Variants in B3GALT1 observed in about 807,000 individuals in gnomAD.
B3GALT1 encodes beta-1,3-galactosyltransferase 1, also known as UDP-Gal:betaGlcNAc beta 1,3-galactosyltransferase, polypeptide 1.
B3GALT1 carries 10 observed loss-of-function variants against 23.2 expected under a neutral mutation model. That is an observed-to-expected ratio of 0.43 (90% CI 0.27 to 0.73). The LOEUF (loss-of-function observed/expected upper bound fraction) is 0.73. B3GALT1 is among the 30% of genes least tolerant of loss of function. The pLI is 0.21. For synonymous variants in B3GALT1, 156 were observed against 141.5 expected (o/e 1.10, Z -0.73); for missense variants, 299 against 405.4 (o/e 0.74, Z 2.25).
intron 1 of B3GALT1, among the ~76,000 whole-genome samples, chr2:167,351,430 T>G (rs1396338933): frequency 1.3e-5 from 2 of 152,152 alleles, no homozygotes; most frequent in Non-Finnish European, 2.9e-5. Context: ...AAAAATGAAA[T>G]AAAGTATACC....
intron 2 of B3GALT1, among the ~76,000 whole-genome samples, chr2:167,567,647 A>T (rs756970317): frequency 5.3e-5 from 8 of 152,066 alleles, no homozygotes; most frequent in Non-Finnish European, 1.0e-4. Context: ...ATGTACTTCC[A>T]TCCCCCATAC....
At chr2:167,364,603 C>T (rs1697557828) in intron 1 of B3GALT1, among the ~76,000 whole-genome samples, 1 of 152,090 alleles carries the variant, frequency 6.6e-6, no homozygotes, top group South Asian at 2.1e-4. Flanking sequence ...GTTTTCTGTC[C>T]TTGCGATAGT....
intron 2 of B3GALT1, among the ~76,000 whole-genome samples, chr2:167,540,931 C>T (rs1683524481): frequency 1.3e-5 from 2 of 152,202 alleles, no homozygotes; most frequent in South Asian, 2.1e-4. Flanking sequence ...AACCTTGGCA[C>T]ATATAAATCA....
chr2:167,548,067 A>G (rs1683674318), intron 2 of B3GALT1, among the ~76,000 whole-genome samples: 1 of 152,204 alleles, frequency 6.6e-6, no homozygotes, highest in South Asian at 2.1e-4. Context: ...CACTGGGCCC[A>G]GCTTCACCAG....
At chr2:167,622,439 G>A (rs1685275395) in intron 2 of B3GALT1, among the ~76,000 whole-genome samples, 1 of 152,074 alleles carries the variant, frequency 6.6e-6, no homozygotes, top group Non-Finnish European at 1.5e-5. Flanking sequence ...GCAATGCCCT[G>A]AGGAAATATA....
At chr2:167,350,110 C>T (rs1038448186) in intron 1 of B3GALT1, among the ~76,000 whole-genome samples, 13 of 152,194 alleles carry the variant, frequency 8.5e-5, no homozygotes, top group African/African-American at 2.4e-4. Flanking sequence ...TATGTGTAAT[C>T]TTTAATGCTT....
chr2:167,341,443 CT>C (rs1478793310), intron 1 of B3GALT1, among the ~76,000 whole-genome samples: 1 of 152,180 alleles, frequency 6.6e-6, no homozygotes, highest in Non-Finnish European at 1.5e-5. Flanking sequence ...GGGCAGAACA[CT>C]TCAGGTCAGG....
intron 1 of B3GALT1, among the ~76,000 whole-genome samples, chr2:167,411,435 A>T (rs1430425479): frequency 4.6e-5 from 7 of 152,126 alleles, no homozygotes; most frequent in Non-Finnish European, 8.8e-5. Context: ...TTGGCAAAAG[A>T]TCTGAACAGG....
intron 2 of B3GALT1, among the ~76,000 whole-genome samples, chr2:167,624,117 A>G (rs1016376461): frequency 6.6e-6 from 1 of 152,042 alleles, no homozygotes; most frequent in Non-Finnish European, 1.5e-5. Context: ...AGAATCTGCA[A>G]TGGCCAGAGT....
intron 2 of B3GALT1, among the ~76,000 whole-genome samples, chr2:167,613,555 T>C: frequency 6.6e-6 from 1 of 151,694 alleles, no homozygotes; most frequent in South Asian, 2.1e-4. Context: ...TTTGTTTTTC[T>C]TTAGTCTTGT....
intron 2 of B3GALT1, among the ~76,000 whole-genome samples, chr2:167,576,166 T>C (rs1043307183): frequency 6.6e-6 from 1 of 151,950 alleles, no homozygotes; most frequent in East Asian, 1.9e-4. Flanking sequence ...GGCCTCTTTA[T>C]TTAAACACTG....
At chr2:167,759,029 G>T (rs1164537424) in intron 3 of B3GALT1, among the ~76,000 whole-genome samples, 4 of 152,192 alleles carry the variant, frequency 2.6e-5, no homozygotes, top group Admixed American at 1.3e-4. Flanking sequence ...TTGGGGGCTG[G>T]CCCTTTGCTT....
intron 4 of B3GALT1, among the ~76,000 whole-genome samples, chr2:167,819,792 A>G (rs1234821912): frequency 6.6e-6 from 1 of 152,168 alleles, no homozygotes; most frequent in African/African-American, 2.4e-5. Flanking sequence ...AATTCACCAA[A>G]TGCCTCTCTC....
chr2:167,667,979 C>T (rs1015649804), intron 3 of B3GALT1, among the ~76,000 whole-genome samples: 5 of 152,184 alleles, frequency 3.3e-5, no homozygotes, highest in Admixed American at 6.5e-5. Flanking sequence ...AGCTTTGTTC[C>T]ATTGCTGGTG....
At chr2:167,529,108 T>G (rs575045066) in intron 2 of B3GALT1, among the ~76,000 whole-genome samples, 1 of 152,278 alleles carries the variant, frequency 6.6e-6, no homozygotes, top group African/African-American at 2.4e-5. Flanking sequence ...TTACTTTATG[T>G]GTCAAAAAAT....
intron 3 of B3GALT1, among the ~76,000 whole-genome samples, chr2:167,682,569 C>T (rs1686550511): frequency 6.6e-6 from 1 of 152,234 alleles, no homozygotes. Flanking sequence ...TGAGAATAAC[C>T]TGAAGAGCTT....
chr2:167,396,552 G>A (rs1698101308), intron 1 of B3GALT1, among the ~76,000 whole-genome samples: 1 of 150,972 alleles, frequency 6.6e-6, no homozygotes, highest in South Asian at 2.1e-4. Flanking sequence ...GTGTGTGTGT[G>A]TGTGTGTGTG....
At chr2:167,677,802 C>T (rs1686453437) in intron 3 of B3GALT1, among the ~76,000 whole-genome samples, 2 of 152,250 alleles carry the variant, frequency 1.3e-5, no homozygotes, top group South Asian at 4.2e-4. Flanking sequence ...TTCTGCATGG[C>T]TTGGGAGGCC....
intron 1 of B3GALT1, among the ~76,000 whole-genome samples, chr2:167,440,978 G>A (rs767589224): frequency 4.6e-5 from 7 of 151,978 alleles, no homozygotes; most frequent in Non-Finnish European, 7.4e-5. Flanking sequence ...AATGGAATAT[G>A]GTTATTCATT....
Sources: allele counts gnomAD v4.1 joint callset (sites outside exome capture counted in the v4.1 genomes callset), GRCh38; gene constraint gnomAD v4.1.1; transcripts MANE v1.5; gene names NCBI Gene and HGNC (gene_info 2026-07-23, HGNC 2026-07-21).